Variants in ZNF497 observed in about 807,000 individuals in gnomAD.
The protein encoded by ZNF497 is zinc finger-like protein.
For missense variants in ZNF497, 930 were observed against 714.0 expected (o/e 1.30, Z -3.45); for synonymous variants, 422 against 313.7 (o/e 1.35, Z -3.65).
In ZNF497 at chr19:58,356,270, C is replaced by A. The variant is rs778365437; in HGVS notation, c.1366G>T (p.Glu456Ter). Residue 456 changes from glutamate to a stop codon, truncating the protein, a stop_gained, in exon 3 of 3, where the codon GAG (glutamate) becomes TAG (stop). Coordinates refer to ENST00000311044, the MANE Select transcript of ZNF497 (RefSeq NM_198458.3). LOFTEE classifies it low-confidence loss of function (END_TRUNC). ...TGCGTGCGCCGGTGGCTTAAGAGCT[C>A]CGACTTGCGCACGAAGGCCTTGCTG... ...HCSKAFVRKS[E>*]LLSHRRTHTG... 40 of 1,572,462 alleles carry A rather than the reference C, an allele frequency of 2.5e-5. No homozygotes were observed. The South Asian group carries it at 4.4e-4, about 17-fold the overall frequency.
intron 1 of ZNF497, among the ~76,000 whole-genome samples, chr19:58,360,551 C>T (rs762162062): frequency 7.9e-5 from 12 of 151,464 alleles, no homozygotes; most frequent in Admixed American, 3.3e-4. Context: ...ATTTTTGAGA[C>T]GGAGTTTCGC....
intron 1 of ZNF497, among the ~76,000 whole-genome samples, chr19:58,362,396 G>A (rs1437289814): frequency 2.6e-5 from 4 of 152,246 alleles, no homozygotes; most frequent in Admixed American, 6.5e-5. Context: ...ATGAGTGAAA[G>A]AATAAACGAG....
intron 1 of ZNF497, chr19:58,359,541 T>C (rs1464358794): frequency 4.5e-6 from 2 of 449,040 alleles, no homozygotes; most frequent in African/African-American, 4.0e-5. Context: ...CCCGCTTTTC[T>C]TGAGGGTCCC....
chr19:58,356,879 TGC>T lies in ZNF497; in HGVS notation c.755_756del (p.Gly252GlufsTer75). 1 of 1,593,540 alleles carries T rather than the reference TGC, an allele frequency of 6.3e-7. No homozygotes were observed. The highest frequency in any genetic ancestry group is 1.1e-5 in the South Asian group (1 of 89,978). ...GARPHACRDC[G>X]KAFSQSSNLA... ...AGGTTGGAGCTCTGGCTGAAGGCCT[TGC>T]CACAGTCCCGGCAGGCGTGCGGCCG... On this transcript the variant is annotated frameshift_variant, in exon 3 of 3. Coordinates refer to ENST00000311044, the MANE Select transcript of ZNF497 (RefSeq NM_198458.3).
chr19:58,362,069 C>T (rs1378168698), intron 1 of ZNF497, among the ~76,000 whole-genome samples: 1 of 151,902 alleles, frequency 6.6e-6, no homozygotes, highest in East Asian at 1.9e-4. Context: ...GCCTCAACGC[C>T]TCCTCCTCAC....
chr19:58,356,535 G>A lies in ZNF497; in HGVS notation c.1101C>T (p.Phe367=), dbSNP rs2052022911. The stretch of plus-strand genomic sequence containing the variant: ...GGCTCAGTAGGTTGGAGCGCTGGCT[G>A]AAGGCCTTGCCGCACTGGGCGCACG... The part of the protein sequence containing the change: ...PHACAQCGKA[F]SQRSNLLSHR... Residue 367 remains phenylalanine (F), a synonymous_variant, in exon 3 of 3, where the codon TTC becomes TTT. Transcript: ENST00000311044. 2.6e-6 allele frequency: 4 copies of A among 1,549,868 alleles called. No individual in the cohort carries two copies. The highest frequency in any genetic ancestry group is 3.5e-6 in the Non-Finnish European group (4 of 1,152,704).
chr19:58,359,836 G>A (rs1303386469), intron 1 of ZNF497, among the ~76,000 whole-genome samples: 1 of 152,082 alleles, frequency 6.6e-6, no homozygotes, highest in African/African-American at 2.4e-5. Flanking sequence ...AGCCAGGCGT[G>A]GTGGCAGGCG....
chr19:58,359,213 C>T (rs2052064238), intron 1 of ZNF497: 1 of 1,290,762 alleles, frequency 7.7e-7, no homozygotes, highest in African/African-American at 1.5e-5. Context: ...TTCCAGTGGA[C>T]TCGGGAAGAC....
In ZNF497 at chr19:58,356,452, A is replaced by G. The variant is rs751038628; in HGVS notation, c.1184T>C (p.Phe395Ser). The change falls in exon 3 of 3, where the codon TTC becomes TCC. Residue 395 changes from phenylalanine (F) to serine (S), a missense_variant. Physicochemically the swap from Phe to Ser is radical, Grantham distance 155. Transcript: ENST00000311044. ...PFACADCGKA[F>S]RGSSGLAHHR... ...GTGCGCCAGGCCGGAACTGCCGCGG[A>G]AGGCCTTGCCGCAGTCGGCGCAGGC... 1 of 1,557,874 alleles carries G rather than the reference A, an allele frequency of 6.4e-7. No individual in the cohort carries two copies. The highest frequency in any genetic ancestry group is 8.6e-7 in the Non-Finnish European group (1 of 1,157,574).
intron 1 of ZNF497, among the ~76,000 whole-genome samples, chr19:58,361,041 C>A (rs1344656941): frequency 2.6e-5 from 4 of 152,166 alleles, no homozygotes; most frequent in Admixed American, 2.6e-4. Flanking sequence ...CTCAGCCTCC[C>A]AAAGTGCTGG....
chr19:58,356,942 T>C lies in ZNF497; in HGVS notation c.694A>G (p.Asn232Asp). 7 of 1,592,716 alleles carry C rather than the reference T, an allele frequency of 4.4e-6. No homozygotes were observed. The highest frequency in any genetic ancestry group is 8.5e-7 in the Non-Finnish European group (1 of 1,173,792). ...TGCACGCGCCGGTGCTCCAGGAAAT[T>C]GGAGTTCCAGCTGAAGGCCTTGCCG... is the stretch of plus-strand genomic sequence containing the variant. ...ECGKAFSWNS[N>D]FLEHRRVHTG... Residue 232 changes from asparagine to aspartate, a missense_variant, in exon 3 of 3, where the codon AAT becomes GAT. Coordinates refer to ENST00000311044, the MANE Select transcript of ZNF497 (RefSeq NM_198458.3).
rs185795077 is a variant in ZNF497, at chr19:58,354,917, C to T, written c.*1222G>A. On this transcript the variant is annotated 3_prime_UTR_variant, in exon 3 of 3. Transcript: ENST00000311044. Reference sequence around the variant, plus strand: ...TTGGCAATGAGGCTGCCCAGGCAGCCAGAGGCCTGGTCAAATCTGAGGTCT... The same window carrying T: ...TTGGCAATGAGGCTGCCCAGGCAGCTAGAGGCCTGGTCAAATCTGAGGTCT... 1.3e-5 allele frequency: 2 copies of T among 152,478 alleles called. No individual in the cohort carries two copies. The highest frequency in any genetic ancestry group is 4.8e-5 in the African/African-American group (2 of 41,588). 9.4% of individuals were successfully genotyped at this position (152,478 alleles called of 1,614,324 possible).
Position 58,356,522 on chromosome 19 carries a change from T to C in ZNF497, c.1114A>G (p.Asn372Asp). The C allele has an allele frequency of 6.5e-7, 1 of 1,548,574 alleles. No individual in the cohort carries two copies. The highest frequency in any genetic ancestry group is 8.7e-7 in the Non-Finnish European group (1 of 1,152,750). Reference sequence around the variant, plus strand: ...TGCGTGCGCCGGTGGCTCAGTAGGTTGGAGCGCTGGCTGAAGGCCTTGCCG... The same window carrying C: ...TGCGTGCGCCGGTGGCTCAGTAGGTCGGAGCGCTGGCTGAAGGCCTTGCCG... ...QCGKAFSQRSNLLSHRRTHSG... is the reference protein window; with the variant it reads ...QCGKAFSQRSDLLSHRRTHSG... Residue 372 changes from asparagine to aspartate, a missense_variant, in exon 3 of 3, where the codon AAC becomes GAC. By Grantham distance (23) the Asn-to-Asp change is conservative. Coordinates refer to ENST00000311044, the MANE Select transcript of ZNF497 (RefSeq NM_198458.3).
intron 1 of ZNF497, among the ~76,000 whole-genome samples, chr19:58,361,208 A>C (rs2052090210): frequency 6.6e-6 from 1 of 152,134 alleles, no homozygotes; most frequent in African/African-American, 2.4e-5. Context: ...AAAATGGTAG[A>C]AATGAGAACA....
At chr19:58,360,328 C>T (rs546532590) in intron 1 of ZNF497, among the ~76,000 whole-genome samples, 2 of 152,020 alleles carry the variant, frequency 1.3e-5, no homozygotes, top group African/African-American at 4.8e-5. Flanking sequence ...ACCACCCAAT[C>T]CCAAAAGCTT....
rs376734000 is a variant in ZNF497 at position 58,357,258 on chromosome 19, G to A, written c.378C>T (p.Arg126=). The A allele has an allele frequency of 1.1e-5, 17 of 1,612,726 alleles. No individual in the cohort carries two copies. In the African/African-American group the frequency reaches 2.1e-4, roughly 20 times the overall value. The part of the protein sequence containing the change: ...SQGSYLLQHR[R]VHTGEKPYTC... ...TGTACGGCTTCTCGCCTGTGTGCAC[G>A]CGCCGATGCTGCAGCAAGTAAGAGC... is the stretch of plus-strand genomic sequence containing the variant. The change falls in exon 3 of 3, where the codon CGC becomes CGT. Residue 126 remains arginine (R), a synonymous_variant. Transcript: ENST00000311044.
chr19:58,362,721 G>A lies in ZNF497; in HGVS notation c.-156C>T, dbSNP rs972695199. On this transcript the variant is annotated 5_prime_UTR_variant, in exon 1 of 3. Transcript: ENST00000311044. Reference sequence around the variant, plus strand: ...CGTCCACTAGGAGCGGCCTGAAAGAGGCCCGCACGCGGGCTCGAGCCGCGT... The same window carrying A: ...CGTCCACTAGGAGCGGCCTGAAAGAAGCCCGCACGCGGGCTCGAGCCGCGT... 6.6e-6 allele frequency: 1 copy of A among 152,214 alleles called. No individual in the cohort carries two copies. The highest frequency in any genetic ancestry group is 2.4e-5 in the African/African-American group (1 of 41,456). 9.4% of individuals were successfully genotyped at this position (152,214 alleles called of 1,614,324 possible). A position where few individuals can be genotyped will look rare whatever the true frequency, so the allele number is the denominator to read the frequency against.
intron 1 of ZNF497, chr19:58,358,808 T>C: frequency 2.2e-6 from 1 of 457,532 alleles, no homozygotes; most frequent in Non-Finnish European, 4.4e-6. Flanking sequence ...CCCCAGGCCC[T>C]CTCAGCCACC....
chr19:58,360,767 C>CT (rs551580074), intron 1 of ZNF497, among the ~76,000 whole-genome samples: 1,399 of 34,512 alleles, frequency 0.041, 538 homozygotes, highest in Non-Finnish European at 0.05. Context: ...GTCCCGAACT[C>CT]TTTTTTTTTT....
Sources: allele counts gnomAD v4.1 joint callset (sites outside exome capture counted in the v4.1 genomes callset), GRCh38; gene constraint gnomAD v4.1.1; transcripts MANE v1.5; gene names NCBI Gene and HGNC (gene_info 2026-07-23, HGNC 2026-07-21).